TUT4: variants seen among roughly 807,000 people sequenced by gnomAD.
TUT4 encodes the protein terminal uridylyltransferase 4.
In TUT4, 36 loss-of-function variants were observed where a neutral mutation model predicts 192.2. That is an observed-to-expected ratio of 0.19 (90% CI 0.14 to 0.25). The LOEUF is 0.25. TUT4 is among the 10% of genes least tolerant of loss of function. The pLI is 1.00. For synonymous variants in TUT4, 618 were observed against 666.0 expected (o/e 0.93, Z 1.11); for missense variants, 1,493 against 1,957.2 (o/e 0.76, Z 4.47).
At chr1:52,541,312 A>C (rs2149668911) in intron 1 of TUT4, among the ~76,000 whole-genome samples, 1 of 152,244 alleles carries the variant, frequency 6.6e-6, no homozygotes, top group Admixed American at 6.5e-5. Context: ...GCAGTGGATT[A>C]CCTGAAGTCA....
chr1:52,533,535 T>C (rs1031655081), intron 1 of TUT4, among the ~76,000 whole-genome samples: 3 of 152,164 alleles, frequency 2.0e-5, no homozygotes, highest in Non-Finnish European at 4.4e-5. Flanking sequence ...TTCACTACAG[T>C]TGTCGTTATA....
In TUT4 at chr1:52,547,746, G is replaced by A. The variant is rs545665368; in HGVS notation, c.-94+5185C>T. ...GCCAACCTTGAAAACATTAAGTTCA[G>A]TGAAAGAAGCCAGGCACAAAAAGCC... On this transcript the variant is annotated intron_variant, in intron 1 of 29. Transcript: ENST00000257177. 2.0e-5 allele frequency among the ~76,000 whole-genome samples: 3 copies of A among 152,152 alleles called. No individual in the cohort carries two copies. In the South Asian group the frequency reaches 6.2e-4, roughly 31 times the overall value.
rs546396574 is a variant in TUT4 at position 52,524,820 on chromosome 1, A to G, written c.718+743T>C. Among the ~76,000 whole-genome samples the G allele has an allele frequency of 4.3e-4, 65 of 152,268 alleles. 2 individuals carry two copies. Among genetic ancestry groups the G allele is most frequent in the Admixed American group, 3.9e-4 (6 of 15,280 alleles). ...TCTGTCTCAGAAAACAAAAAACAAA[A>G]AAAAATTCTTCAATGGCTTCTGAAA... On this transcript the variant is annotated intron_variant, in intron 2 of 29. Transcript: ENST00000257177.
chr1:52,437,332 T>C, intron 25 of TUT4: 1 of 178,336 alleles, frequency 5.6e-6, no homozygotes, highest in Non-Finnish European at 1.2e-5. Context: ...AACTGGAAGT[T>C]CGTTCTGTCT....
At chr1:52,443,444 C>A (rs1357153260) in intron 24 of TUT4, among the ~76,000 whole-genome samples, 1 of 151,576 alleles carries the variant, frequency 6.6e-6, no homozygotes, top group East Asian at 1.9e-4. Flanking sequence ...AAAAAATTAG[C>A]CAGGTGTGGT....
intron 1 of TUT4, among the ~76,000 whole-genome samples, chr1:52,544,440 AG>A (rs937157158): frequency 2.0e-5 from 3 of 152,264 alleles, no homozygotes; most frequent in African/African-American, 7.2e-5. Flanking sequence ...CAATAGGGAA[AG>A]GACAGTCTTT....
chr1:52,440,795 C>T (rs1156369775), intron 24 of TUT4, among the ~76,000 whole-genome samples: 2 of 152,018 alleles, frequency 1.3e-5, no homozygotes, highest in Admixed American at 1.3e-4. Context: ...ATGTAATATA[C>T]GTACTTACAT....
At chr1:52,530,135 G>A (rs577440680) in intron 1 of TUT4, among the ~76,000 whole-genome samples, 13 of 151,840 alleles carry the variant, frequency 8.6e-5, no homozygotes, top group African/African-American at 2.9e-4. Flanking sequence ...GAGTCACTGC[G>A]TCAGCTACTT....
chr1:52,474,133 G>A (rs577179976), intron 13 of TUT4, among the ~76,000 whole-genome samples: 5 of 152,266 alleles, frequency 3.3e-5, no homozygotes, highest in Admixed American at 6.5e-5. Context: ...GCTTGAGCCC[G>A]GGAGGCAGAG....
At chr1:52,450,483 T>C (rs76996097) in intron 20 of TUT4, among the ~76,000 whole-genome samples, 1,879 of 152,244 alleles carry the variant, frequency 0.012, 33 homozygotes, top group African/African-American at 0.043. Context: ...GTTTTTAAAG[T>C]TGAATATGGT....
chr1:52,429,934 G>GTA (rs1220390277), intron 28 of TUT4, among the ~76,000 whole-genome samples: 1 of 151,524 alleles, frequency 6.6e-6, no homozygotes, highest in Admixed American at 6.6e-5. Flanking sequence ...ATGTATGTGT[G>GTA]TATATATGTG....
At chr1:52,488,472 T>C (rs1670340817) in intron 9 of TUT4, among the ~76,000 whole-genome samples, 1 of 152,134 alleles carries the variant, frequency 6.6e-6, no homozygotes, top group Non-Finnish European at 1.5e-5. Context: ...AGTTGCCCAA[T>C]CAGAAATTGG....
At chr1:52,487,241 T>C (rs937828501) in intron 9 of TUT4, among the ~76,000 whole-genome samples, 5 of 151,984 alleles carry the variant, frequency 3.3e-5, no homozygotes. Context: ...AGCCCTGTAG[T>C]TGAAGACCAG....
intron 1 of TUT4, among the ~76,000 whole-genome samples, chr1:52,529,612 A>G (rs972285392): frequency 5.9e-5 from 9 of 152,222 alleles, no homozygotes; most frequent in African/African-American, 2.2e-4. Flanking sequence ...AAAAGCCATA[A>G]AACAACAAAG....
chr1:52,465,103 A>G lies in TUT4; in HGVS notation c.3036T>C (p.Ile1012=). 6.2e-7 allele frequency: 1 copy of G among 1,613,694 alleles called. No homozygotes were observed. The highest frequency in any genetic ancestry group is 8.5e-7 in the Non-Finnish European group (1 of 1,179,868). The change falls in exon 16 of 30, where the codon ATT becomes ATC. Residue 1012 remains isoleucine (I), a synonymous_variant. Transcript: ENST00000257177. The stretch of plus-strand genomic sequence containing the variant: ...TTTCATGGCCTTCCAGGGTCATACA[A>G]ATATCCAGATCACTATCACGAAATC... ...GFGFRDSDLD[I]CMTLEGHENA... is the part of the protein sequence containing the mutation.
At chr1:52,427,196 A>G (rs1409472128) in intron 28 of TUT4, among the ~76,000 whole-genome samples, 1 of 152,196 alleles carries the variant, frequency 6.6e-6, no homozygotes, top group East Asian at 1.9e-4. Context: ...ACAGTAAGAC[A>G]AATGTTATGA....
At chr1:52,511,972 T>C (rs1677286032) in intron 3 of TUT4, among the ~76,000 whole-genome samples, 1 of 151,562 alleles carries the variant, frequency 6.6e-6, no homozygotes, top group Non-Finnish European at 1.5e-5. Flanking sequence ...GTGGTGAAGG[T>C]GGTAAAAAGA....
intron 14 of TUT4, 140 bp from the exon 15 acceptor site, chr1:52,468,407 A>C: frequency 6.4e-6 from 4 of 623,226 alleles, no homozygotes; most frequent in Non-Finnish European, 1.1e-5. Context: ...AAAACCATAA[A>C]TGTTACTGGG....
intron 24 of TUT4, among the ~76,000 whole-genome samples, chr1:52,441,272 G>A (rs1470959905): frequency 1.3e-5 from 2 of 150,708 alleles, no homozygotes; most frequent in African/African-American, 4.9e-5. Flanking sequence ...ACAAAGTGCA[G>A]GGCATATGGC....
Sources: gnomAD v4.1 joint callset for allele counts (sites outside exome capture counted in the v4.1 genomes callset) on GRCh38, gnomAD v4.1.1 for gene constraint, MANE v1.5 for transcripts, NCBI Gene and HGNC (gene_info 2026-07-23, HGNC 2026-07-21) for gene names.